RYK: variants seen among roughly 807,000 people sequenced by gnomAD.
The protein encoded by RYK is receptor like tyrosine kinase.
RYK carries 21 observed loss-of-function variants against 70.2 expected under a neutral mutation model. The observed-to-expected ratio is 0.30, with a 90% CI of 0.21 to 0.43. The LOEUF (loss-of-function observed/expected upper bound fraction) is 0.43. Among genes scored for constraint, RYK ranks in the 20% least tolerant of loss-of-function variants. The pLI is 1.00. For synonymous variants in RYK, 267 were observed against 278.0 expected (o/e 0.96, Z 0.39); for missense variants, 604 against 753.3 (o/e 0.80, Z 2.32).
chr3:134,226,542 GAGAAA>G (rs1402108083), intron 1 of RYK, among the ~76,000 whole-genome samples: 3 of 151,952 alleles, frequency 2.0e-5, no homozygotes, highest in Admixed American at 6.6e-5. Context: ...AAAACATAAT[GAGAAA>G]AGAAAATTAC....
chr3:134,190,466 TCA>T (rs1190544191), intron 8 of RYK, among the ~76,000 whole-genome samples: 1 of 152,178 alleles, frequency 6.6e-6, no homozygotes, highest in East Asian at 1.9e-4. Flanking sequence ...TTACAGCAAT[TCA>T]CATTCCTACC....
chr3:134,190,708 C>T (rs992408805), intron 8 of RYK, among the ~76,000 whole-genome samples: 1 of 152,016 alleles, frequency 6.6e-6, no homozygotes, highest in African/African-American at 2.4e-5. Flanking sequence ...CTGAAAAGAC[C>T]AATAAAGAAA....
chr3:134,166,853 T>C (rs2012692507), intron 13 of RYK, among the ~76,000 whole-genome samples: 1 of 152,224 alleles, frequency 6.6e-6, no homozygotes, highest in Non-Finnish European at 1.5e-5. Flanking sequence ...CTTCCTAAAG[T>C]AAATCCATTT....
At chr3:134,221,115 A>T (rs111315603) in intron 2 of RYK, among the ~76,000 whole-genome samples, 9 of 151,846 alleles carry the variant, frequency 5.9e-5, no homozygotes, top group African/African-American at 1.7e-4. Flanking sequence ...AAAGGGAAAA[A>T]AGGGGACTTT....
chr3:134,213,955 C>G (rs974088735), intron 2 of RYK, among the ~76,000 whole-genome samples: 1 of 152,106 alleles, frequency 6.6e-6, no homozygotes, highest in Admixed American at 6.5e-5. Context: ...TACAGGCACA[C>G]GCCACTATGC....
At chr3:134,198,233 T>A (rs1343415823) in intron 6 of RYK, among the ~76,000 whole-genome samples, 2 of 152,268 alleles carry the variant, frequency 1.3e-5, no homozygotes, top group African/African-American at 4.8e-5. Context: ...AGTAAAATTA[T>A]GTATGGAGAT....
chr3:134,164,653 T>C (rs1016468865), intron 13 of RYK, among the ~76,000 whole-genome samples: 3 of 152,254 alleles, frequency 2.0e-5, no homozygotes, highest in Non-Finnish European at 4.4e-5. Context: ...CATTTACCTG[T>C]TGATAAGCAT....
At position 134,250,503 on chromosome 3, in the gene RYK, C is replaced by A; in HGVS notation, c.152G>T (p.Arg51Leu). The A allele has an allele frequency of 7.9e-7, 1 of 1,271,886 alleles. No homozygotes were observed. Among genetic ancestry groups the A allele is most frequent in the Admixed American group, 3.7e-5 (1 of 26,834 alleles). 78.8% of individuals were successfully genotyped at this position (1,271,886 alleles called of 1,614,324 possible). The change falls in exon 1 of 15, where the codon CGG becomes CTG. Residue 51 changes from arginine to leucine, a missense_variant. Arg to Leu is a moderately radical substitution (Grantham distance 102, BLOSUM62 -2). Coordinates refer to ENST00000623711, the MANE Select transcript of RYK (RefSeq NM_002958.4). ...APGAAAAPAP[R>L]PPELQSASAG... Reference sequence around the variant, plus strand: ...GGAAGCCGACTGCAGCTCCGGGGGCCGCGGGGCGGGGGCGGCGGCAGCGCC... The same window carrying A: ...GGAAGCCGACTGCAGCTCCGGGGGCAGCGGGGCGGGGGCGGCGGCAGCGCC...
chr3:134,218,028 T>C (rs955459817), intron 2 of RYK, among the ~76,000 whole-genome samples: 6 of 152,212 alleles, frequency 3.9e-5, no homozygotes, highest in African/African-American at 1.4e-4. Flanking sequence ...TACTTTCCTC[T>C]AAATTTTATA....
chr3:134,162,512 CCA>C (rs942686772), intron 13 of RYK, among the ~76,000 whole-genome samples: 1 of 152,112 alleles, frequency 6.6e-6, no homozygotes, highest in African/African-American at 2.4e-5. Flanking sequence ...TTCAAAATCT[CCA>C]CAGAGTCTTG....
At chr3:134,216,842 A>C (rs2014569223) in intron 2 of RYK, among the ~76,000 whole-genome samples, 2 of 150,156 alleles carry the variant, frequency 1.3e-5, no homozygotes, top group African/African-American at 4.9e-5. Context: ...CTTAACAGAC[A>C]CAGTTACATG....
At chr3:134,169,362 G>T (rs1413435569) in intron 13 of RYK, among the ~76,000 whole-genome samples, 1 of 152,010 alleles carries the variant, frequency 6.6e-6, no homozygotes, top group Non-Finnish European at 1.5e-5. Flanking sequence ...ATTCAAAGAA[G>T]ATGTAAATCA....
chr3:134,189,629 C>CG (rs1272531368), intron 8 of RYK, among the ~76,000 whole-genome samples: 3 of 150,480 alleles, frequency 2.0e-5, no homozygotes, highest in Non-Finnish European at 3.0e-5. Context: ...AAAAATTAGC[C>CG]GGGCGTGGGA....
chr3:134,221,495 G>C (rs1460278768), intron 2 of RYK, among the ~76,000 whole-genome samples: 1 of 151,838 alleles, frequency 6.6e-6, no homozygotes, highest in African/African-American at 2.4e-5. Flanking sequence ...GAGCTACCAC[G>C]CCAGGCCTAG....
Position 134,221,196 on chromosome 3 carries a change from C to CTTTTTTT in RYK, c.354+1215_354+1221dup, listed in dbSNP as rs71139519. On this transcript the variant is annotated intron_variant, in intron 2 of 14. Transcript: ENST00000623711. ...CTACAAAGTCTTAACAGTTCTTTTTCTTTTTTTTTTTTTTTTTTTTTTTTT... is the reference window on the plus strand; with the variant it reads ...CTACAAAGTCTTAACAGTTCTTTTTCTTTTTTTTTTTTTTTTTTTTTTTTTTTTTTTT... 1.0e-3 allele frequency among the ~76,000 whole-genome samples: 79 copies of CTTTTTTT among 78,582 alleles called. 8 individuals are homozygous for CTTTTTTT. Among genetic ancestry groups the CTTTTTTT allele is most frequent in the African/African-American group, 3.7e-3 (66 of 17,912 alleles). 51.6% of individuals were successfully genotyped at this position (78,582 alleles called of 152,430 possible). A position where few individuals can be genotyped will look rare whatever the true frequency, so the allele number is the denominator to read the frequency against.
chr3:134,168,144 G>A (rs1464579822), intron 13 of RYK, among the ~76,000 whole-genome samples: 9 of 152,216 alleles, frequency 5.9e-5, no homozygotes, highest in Admixed American at 5.9e-4. Context: ...AGGATGTGGA[G>A]AAATAGAAAC....
intron 13 of RYK, among the ~76,000 whole-genome samples, chr3:134,170,217 A>C (rs2012843471): frequency 6.6e-6 from 1 of 152,364 alleles, no homozygotes; most frequent in East Asian, 1.9e-4. Flanking sequence ...AAGCTACAAA[A>C]GAAAAATGTG....
chr3:134,189,084 G>A (rs796772651), intron 8 of RYK, among the ~76,000 whole-genome samples, 161 bp from the exon 9 acceptor site: 7 of 152,162 alleles, frequency 4.6e-5, no homozygotes, highest in Admixed American at 1.3e-4. Flanking sequence ...TGGTTTTAAC[G>A]ACTGTTAAAA....
chr3:134,235,113 C>T (rs1462422580), intron 1 of RYK, among the ~76,000 whole-genome samples: 1 of 151,912 alleles, frequency 6.6e-6, no homozygotes, highest in Non-Finnish European at 1.5e-5. Flanking sequence ...ATATGACCAC[C>T]GGGCAATGGT....
Sources: gnomAD v4.1 joint callset for allele counts (sites outside exome capture counted in the v4.1 genomes callset) on GRCh38, gnomAD v4.1.1 for gene constraint, MANE v1.5 for transcripts, NCBI Gene and HGNC (gene_info 2026-07-23, HGNC 2026-07-21) for gene names.